Variants in MPDZ observed in about 807,000 individuals in gnomAD.
MPDZ encodes the protein multiple PDZ domain crumbs cell polarity complex component.
In MPDZ, 234 loss-of-function variants were observed where a neutral mutation model predicts 239.1. That is an observed-to-expected ratio of 0.98 (90% CI 0.88 to 1.09). MPDZ has a LOEUF of 1.09. MPDZ is among the 50% of genes least tolerant of loss of function. The pLI is 0.00. For synonymous variants in MPDZ, 1,048 were observed against 881.3 expected (o/e 1.19, Z -3.35); for missense variants, 3,175 against 2,510.0 (o/e 1.26, Z -5.66).
At chr9:13,171,332 T>C (rs1951749939) in intron 21 of MPDZ, among the ~76,000 whole-genome samples, 1 of 152,192 alleles carries the variant, frequency 6.6e-6, no homozygotes, top group African/African-American at 2.4e-5. Context: ...AAATGAAGCC[T>C]GTTAGTACAA....
chr9:13,160,707 C>T (rs1391816276), intron 23 of MPDZ, among the ~76,000 whole-genome samples: 4 of 150,960 alleles, frequency 2.6e-5, no homozygotes, highest in South Asian at 2.1e-4. Context: ...CCCTATCCCT[C>T]GTATCCTTGG....
In MPDZ at chr9:13,109,032, T is replaced by C. The variant is rs766044975; in HGVS notation, c.5970A>G (p.Leu1990=). The C allele has an allele frequency of 1.3e-6, 2 of 1,568,606 alleles. No homozygotes were observed. The highest frequency in any genetic ancestry group is 8.7e-7 in the Non-Finnish European group (1 of 1,154,744). Residue 1990 remains leucine, a synonymous_variant, in exon 46 of 47, where the codon CTA becomes CTG. Coordinates refer to ENST00000319217, the MANE Select transcript of MPDZ (RefSeq NM_001378778.1). ...AGCCTAAGCCATCTGGTCCTCGCTC[T>C]AGTGTAATAGACTTACATTGAGGAG... ...LGPPQCKSIT[L]ERGPDGLGFS...
chr9:13,132,841 CAT>C (rs923182652), intron 32 of MPDZ, among the ~76,000 whole-genome samples: 2 of 152,228 alleles, frequency 1.3e-5, no homozygotes, highest in African/African-American at 4.8e-5. Context: ...GTCTCTGACA[CAT>C]GTGGTCTGGC....
chr9:13,255,102 A>G (rs911495566), intron 1 of MPDZ, among the ~76,000 whole-genome samples: 1 of 152,160 alleles, frequency 6.6e-6, no homozygotes. Context: ...TTTCATTTCA[A>G]CGATGTTCAC....
intron 1 of MPDZ, 124 bp downstream of exon 1, chr9:13,279,276 T>G (rs926214696): frequency 9.8e-6 from 1 of 102,434 alleles, no homozygotes; most frequent in Non-Finnish European, 2.0e-5. Flanking sequence ...CCCACCCCCA[T>G]CCCCGCCCCC....
intron 10 of MPDZ, among the ~76,000 whole-genome samples, chr9:13,209,220 G>C (rs1957338794): frequency 6.6e-6 from 1 of 152,070 alleles, no homozygotes; most frequent in Admixed American, 6.6e-5. Context: ...TACTAAGCTG[G>C]GTTGCATGTA....
In MPDZ at chr9:13,216,671, A is replaced by C. The variant is rs1370804475; in HGVS notation, c.1290+103T>G. 1.8e-5 allele frequency: 14 copies of C among 787,384 alleles called. No individual in the cohort carries two copies. In the East Asian group the frequency reaches 3.3e-4, roughly 19 times the overall value. 48.8% of individuals were successfully genotyped at this position (787,384 alleles called of 1,614,324 possible). A position where few individuals can be genotyped will look rare whatever the true frequency, so the allele number is the denominator to read the frequency against. On this transcript the variant is annotated intron_variant, in intron 10 of 46. Transcript: ENST00000319217. ...AGCCTCAAGTCACCAAAAAAGCTTA[A>C]ATTAGTACAGAGTTAACTCTAGCTC... is the stretch of plus-strand genomic sequence containing the variant.
intron 3 of MPDZ, among the ~76,000 whole-genome samples, chr9:13,238,707 A>T (rs1964681234): frequency 6.6e-6 from 1 of 152,190 alleles, no homozygotes; most frequent in Non-Finnish European, 1.5e-5. Flanking sequence ...TACCACAATT[A>T]TCTGAAAAGC....
At chr9:13,141,574 T>G (rs1947690589) in intron 27 of MPDZ, among the ~76,000 whole-genome samples, 1 of 152,180 alleles carries the variant, frequency 6.6e-6, no homozygotes, top group Non-Finnish European at 1.5e-5. Context: ...TTATTATATA[T>G]GTTTATATCT....
At chr9:13,278,872 G>A (rs1428544125) in intron 1 of MPDZ, among the ~76,000 whole-genome samples, 2 of 151,952 alleles carry the variant, frequency 1.3e-5, no homozygotes, top group Non-Finnish European at 2.9e-5. Context: ...AACGGCGGAT[G>A]GGGCGTCCGG....
At chr9:13,158,175 C>A (rs919870890) in intron 23 of MPDZ, 65 bp from the exon 24 acceptor site, 1 of 1,231,478 alleles carries the variant, frequency 8.1e-7, no homozygotes, top group South Asian at 1.3e-5. Context: ...ATTATATGTA[C>A]TCTACTATTG....
chr9:13,111,048 C>T (rs1258435438), intron 43 of MPDZ, among the ~76,000 whole-genome samples: 1 of 152,190 alleles, frequency 6.6e-6, no homozygotes, highest in African/African-American at 2.4e-5. Context: ...AAAAAATTCA[C>T]TATCATTTGG....
At chr9:13,193,817 T>G (rs926691765) in intron 13 of MPDZ, among the ~76,000 whole-genome samples, 2 of 152,168 alleles carry the variant, frequency 1.3e-5, no homozygotes, top group Non-Finnish European at 2.9e-5. Context: ...GCTGTTCATT[T>G]TCACACAGAA....
chr9:13,189,810 T>G (rs28661411), intron 16 of MPDZ, among the ~76,000 whole-genome samples: 4 of 152,120 alleles, frequency 2.6e-5, no homozygotes, highest in African/African-American at 9.7e-5. Context: ...CACTAAAATA[T>G]GAGTCATCAA....
rs1167810831 is a variant in MPDZ, at chr9:13,137,976, A to G, written c.4181T>C (p.Ile1394Thr). Residue 1394 changes from isoleucine to threonine, a missense_variant, in exon 29 of 47, where the codon ATT becomes ACT. By Grantham distance (89) the Ile-to-Thr change is moderately conservative (BLOSUM62 -1). Coordinates refer to ENST00000319217, the MANE Select transcript of MPDZ (RefSeq NM_001378778.1). ...GAAGKDGRLQ[I>T]ADELLEINGQ... Reference sequence around the variant, plus strand: ...ACTTACCTCTAGAAGCTCATCTGCAATTTGCAATCGACCATCTTTTCCTGC... The same window carrying G: ...ACTTACCTCTAGAAGCTCATCTGCAGTTTGCAATCGACCATCTTTTCCTGC... 1 of 1,613,832 alleles carries G rather than the reference A, an allele frequency of 6.2e-7. No homozygotes were observed. Among genetic ancestry groups the G allele is most frequent in the Non-Finnish European group, 8.5e-7 (1 of 1,179,798 alleles).
At chr9:13,164,933 G>A (rs1950894768) in intron 22 of MPDZ, among the ~76,000 whole-genome samples, 1 of 152,104 alleles carries the variant, frequency 6.6e-6, no homozygotes, top group Non-Finnish European at 1.5e-5. Flanking sequence ...ACACTGAAAT[G>A]CTTATTTGAG....
rs1421186768 is a variant in MPDZ, at chr9:13,215,762, T to TTG, written c.1290+1011_1290+1012insCA. Among the ~76,000 whole-genome samples the TTG allele has an allele frequency of 5.1e-5, 7 of 137,138 alleles. 1 individual carries two copies. Among genetic ancestry groups the TTG allele is most frequent in the South Asian group, 5.0e-4 (2 of 4,038 alleles). 90.0% of individuals were successfully genotyped at this position (137,138 alleles called of 152,430 possible). ...GGTTTCTCTATTGCAGGTTTTTTTT[T>TTG]TTTTTTTTTTTTGTCTTTTTTTAGA... On this transcript the variant is annotated intron_variant, in intron 10 of 46. Transcript: ENST00000319217.
Position 13,186,339 on chromosome 9 carries a change from G to C in MPDZ, c.2412C>G (p.Leu804=). The C allele has an allele frequency of 6.3e-7, 1 of 1,593,602 alleles. No homozygotes were observed. Among genetic ancestry groups the C allele is most frequent in the Non-Finnish European group, 8.6e-7 (1 of 1,169,448 alleles). ...GYVSAKEDSF[L]YPPHSCEEAG... ...CTTCCTCACAGGAGTGTGGTGGGTAGAGAAAGGAATCCTCCTTAGCAGAAA... is the reference window on the plus strand; with the variant it reads ...CTTCCTCACAGGAGTGTGGTGGGTACAGAAAGGAATCCTCCTTAGCAGAAA... The change falls in exon 18 of 47, where the codon CTC becomes CTG. Residue 804 remains leucine, a synonymous_variant. Coordinates refer to ENST00000319217, the MANE Select transcript of MPDZ (RefSeq NM_001378778.1).
intron 39 of MPDZ, 63 bp from the exon 40 acceptor site, chr9:13,115,397 A>C: frequency 1.5e-6 from 2 of 1,360,582 alleles, no homozygotes; most frequent in Non-Finnish European, 2.1e-6. Context: ...AATCATCTTT[A>C]GGAATACATT....
Sources: allele counts gnomAD v4.1 joint callset (sites outside exome capture counted in the v4.1 genomes callset), GRCh38; gene constraint gnomAD v4.1.1; transcripts MANE v1.5; gene names NCBI Gene and HGNC (gene_info 2026-07-23, HGNC 2026-07-21).